The following ORC4 variants were observed in gnomAD, a reference collection of about 807,000 sequenced individuals.
ORC4 encodes the protein origin recognition complex, subunit 4 homolog.
Under a neutral mutation model 63.9 loss-of-function variants are expected in ORC4, and 55 were observed. The observed-to-expected ratio is 0.86, with a 90% CI of 0.69 to 1.08. The LOEUF (loss-of-function observed/expected upper bound fraction) is 1.08, where lower values mean the gene tolerates loss of function less well. Ranked by LOEUF, ORC4 falls within the 50% of genes least tolerant of loss-of-function variation. The pLI, the probability that ORC4 is intolerant of heterozygous loss-of-function variation, is 0.00. For synonymous variants in ORC4, 150 were observed against 168.5 expected, an observed-to-expected ratio of 0.89 and a Z score of 0.85; for missense variants, 511 against 504.4, an observed-to-expected ratio of 1.01 and a Z score of -0.13.
chr2:147,981,705 A>G (rs767669591), intron 1 of ORC4, among the ~76,000 whole-genome samples: 25 of 148,560 alleles, frequency 1.7e-4, no homozygotes, highest in Non-Finnish European at 3.0e-4. Context: ...CATCAATTAG[A>G]AAAAAAACAT....
At chr2:147,992,456 A>G (rs2105404985) in intron 1 of ORC4, among the ~76,000 whole-genome samples, 1 of 152,232 alleles carries the variant, frequency 6.6e-6, no homozygotes, top group Non-Finnish European at 1.5e-5. Context: ...GTTGCATTAT[A>G]TGGGACACAA....
Position 148,016,066 on chromosome 2 carries a change from C to A in ORC4, c.-18+4567G>T, listed in dbSNP as rs190479979. 4.6e-5 allele frequency among the ~76,000 whole-genome samples: 7 copies of A among 152,238 alleles called. No homozygotes were observed. In the East Asian group the frequency reaches 1.2e-3, roughly 25 times the overall value. On this transcript the variant is annotated intron_variant, in intron 1 of 13. Transcript: ENST00000392857. ...TTCCACAGTTGTTCAGTATTTGAAG[C>A]AAATTGAAAAGGTGAAAAAGCTCGA...
At chr2:147,987,355 TAG>T (rs1691269712) in intron 1 of ORC4, among the ~76,000 whole-genome samples, 1 of 86,828 alleles carries the variant, frequency 1.2e-5, no homozygotes, top group Non-Finnish European at 2.3e-5. Flanking sequence ...TTTCCATATA[TAG>T]ATATATATAT....
chr2:147,943,583 A>T, intron 9 of ORC4, 61 bp from the exon 10 acceptor site: 1 of 942,950 alleles, frequency 1.1e-6, no homozygotes, highest in South Asian at 1.4e-5. Flanking sequence ...AAACCTAAAT[A>T]TAATCCTGTG....
chr2:147,961,904 G>C (rs2105323676), intron 4 of ORC4, among the ~76,000 whole-genome samples: 1 of 152,286 alleles, frequency 6.6e-6, no homozygotes, highest in African/African-American at 2.4e-5. Context: ...ACAACAAGCA[G>C]ATTAAAAAGA....
intron 1 of ORC4, among the ~76,000 whole-genome samples, chr2:147,996,472 C>T (rs1691981835): frequency 6.6e-6 from 1 of 152,022 alleles, no homozygotes; most frequent in African/African-American, 2.4e-5. Context: ...TCTGCTCTAC[C>T]AAATGGCACT....
At chr2:147,954,425 C>CTAT (rs962024214) in intron 7 of ORC4, among the ~76,000 whole-genome samples, 59 of 152,110 alleles carry the variant, frequency 3.9e-4, no homozygotes, top group African/African-American at 1.3e-3. Flanking sequence ...ATGGCATAGC[C>CTAT]TATTGCTCCT....
intron 1 of ORC4, among the ~76,000 whole-genome samples, chr2:148,018,834 T>G (rs1050078607): frequency 6.6e-6 from 1 of 152,126 alleles, no homozygotes; most frequent in African/African-American, 2.4e-5. Flanking sequence ...CTGAAAAGAA[T>G]TGAGGAAAGG....
chr2:147,987,605 A>G (rs1573852241), intron 1 of ORC4, among the ~76,000 whole-genome samples: 1 of 152,078 alleles, frequency 6.6e-6, no homozygotes, highest in East Asian at 1.9e-4. Context: ...ACCCAAAAAA[A>G]AGCATTTAAG....
At chr2:147,967,870 G>C (rs1212628321) in intron 4 of ORC4, among the ~76,000 whole-genome samples, 1 of 152,014 alleles carries the variant, frequency 6.6e-6, no homozygotes, top group African/African-American at 2.4e-5. Context: ...AATAAGGCTG[G>C]AGTCAACATA....
intron 2 of ORC4, among the ~76,000 whole-genome samples, chr2:147,974,954 T>A (rs2105354765): frequency 6.6e-6 from 1 of 152,220 alleles, no homozygotes; most frequent in East Asian, 1.9e-4. Flanking sequence ...GTTAAATAGG[T>A]ATACACATGT....
chr2:148,002,778 G>C (rs1232601584), intron 1 of ORC4, among the ~76,000 whole-genome samples: 1 of 152,048 alleles, frequency 6.6e-6, no homozygotes, highest in Admixed American at 6.6e-5. Context: ...AGAACTGAAG[G>C]AGATAGAGAC....
At position 148,020,628 on chromosome 2, in the gene ORC4, T is replaced by C. The variant is rs1394376224; in HGVS notation, c.-18+5A>G. On this transcript the variant is annotated splice_donor_5th_base_variant and intron_variant, in intron 1 of 13. Coordinates refer to ENST00000392857, the MANE Select transcript of ORC4 (RefSeq NM_181741.4). ...ATTACCTCTCGCATAAAAGCCTGCA[T>C]TTACCAGGTCAAAGAGGGGAACCAA... is the stretch of plus-strand genomic sequence containing the variant. The C allele has an allele frequency of 6.6e-6, 1 of 152,260 alleles. No homozygotes were observed. The highest frequency in any genetic ancestry group is 2.4e-5 in the African/African-American group (1 of 41,424). 9.4% of individuals were successfully genotyped at this position (152,260 alleles called of 1,614,324 possible).
Position 147,932,638 on chromosome 2 carries a change from G to A in ORC4, c.*2872C>T, listed in dbSNP as rs950640094. ...AATTATGGCATTTCCCTCTATTATC[G>A]TCTAAACAGATTATATTCCCACTAA... On this transcript the variant is annotated 3_prime_UTR_variant, in exon 14 of 14. Transcript: ENST00000392857. 1 of 152,076 alleles carries A rather than the reference G, an allele frequency of 6.6e-6. No homozygotes were observed. The highest frequency in any genetic ancestry group is 1.5e-5 in the Non-Finnish European group (1 of 68,014). The allele number at this position is 152,076 out of a possible 1,614,324, so 9.4% of individuals were successfully genotyped here. A position where few individuals can be genotyped will look rare whatever the true frequency, so the allele number is the denominator to read the frequency against.
intron 1 of ORC4, among the ~76,000 whole-genome samples, chr2:148,001,119 C>T (rs1299348597): frequency 2.0e-5 from 3 of 152,114 alleles, no homozygotes; most frequent in South Asian, 2.1e-4. Flanking sequence ...GCAAATAAGG[C>T]GATAAAGGCC....
At chr2:147,982,920 A>G (rs1392763415) in intron 1 of ORC4, among the ~76,000 whole-genome samples, 1 of 152,210 alleles carries the variant, frequency 6.6e-6, no homozygotes, top group Non-Finnish European at 1.5e-5. Flanking sequence ...AATAGGCAAA[A>G]TACATAAGTA....
intron 4 of ORC4, among the ~76,000 whole-genome samples, chr2:147,961,590 A>G (rs138859244): frequency 6.6e-6 from 1 of 152,332 alleles, no homozygotes; most frequent in East Asian, 1.9e-4. Context: ...CAAGTCAAAC[A>G]ATGCTCATCT....
rs1364898404 is a variant in ORC4 at position 147,933,429 on chromosome 2, A to G, written c.*2081T>C. The G allele has an allele frequency of 6.6e-6, 1 of 152,040 alleles. No individual in the cohort carries two copies. Among genetic ancestry groups the G allele is most frequent in the African/African-American group, 2.4e-5 (1 of 41,428 alleles). 9.4% of individuals were successfully genotyped at this position (152,040 alleles called of 1,614,324 possible). A position where few individuals can be genotyped will look rare whatever the true frequency, so the allele number is the denominator to read the frequency against. On this transcript the variant is annotated 3_prime_UTR_variant, in exon 14 of 14. Transcript: ENST00000392857. ...TGCCTTGGGAATATAATAGGCGTAC[A>G]CTTCATTTGTGTAACTTTTCCTAAT...
intron 5 of ORC4, 47 bp downstream of exon 5, chr2:147,958,744 C>G: frequency 1.1e-6 from 1 of 937,478 alleles, no homozygotes; most frequent in Non-Finnish European, 1.8e-6. Context: ...TATAAAAACC[C>G]CACAAAGTTT....
Sources: allele counts gnomAD v4.1 joint callset (sites outside exome capture counted in the v4.1 genomes callset), GRCh38; gene constraint gnomAD v4.1.1; transcripts MANE v1.5; gene names NCBI Gene and HGNC (gene_info 2026-07-23, HGNC 2026-07-21).